GNAI1: variants seen among roughly 807,000 people sequenced by gnomAD.
GNAI1 encodes G protein subunit alpha i1, also known as guanine nucleotide-binding protein G(i) subunit alpha-1.
GNAI1 carries 11 observed loss-of-function variants against 38.9 expected under a neutral mutation model. The ratio of observed to expected loss-of-function variants is 0.28; its 90% CI spans 0.18 to 0.47. The LOEUF (loss-of-function observed/expected upper bound fraction) is 0.47, where lower values mean the gene tolerates loss of function less well. GNAI1 is among the 20% of genes least tolerant of loss of function. The pLI is 0.99. For missense variants in GNAI1, 317 were observed against 436.9 expected (o/e 0.73, Z 2.45); for synonymous variants, 166 against 145.1 (o/e 1.14, Z -1.04).
At chr7:80,172,754 T>A (rs1168461490) in intron 1 of GNAI1, among the ~76,000 whole-genome samples, 2 of 152,234 alleles carry the variant, frequency 1.3e-5, no homozygotes, top group Non-Finnish European at 2.9e-5. Flanking sequence ...TTTTAGCAGC[T>A]TGCCTTACTT....
chr7:80,140,683 G>C (rs765803160), intron 1 of GNAI1, among the ~76,000 whole-genome samples: 1 of 152,174 alleles, frequency 6.6e-6, no homozygotes, highest in Non-Finnish European at 1.5e-5. Context: ...ACTGGTTTCT[G>C]TCATAACTTG....
At chr7:80,184,806 C>T (rs1788361582) in intron 1 of GNAI1, among the ~76,000 whole-genome samples, 1 of 152,180 alleles carries the variant, frequency 6.6e-6, no homozygotes. Context: ...TATAACATCA[C>T]AACTTTGGCT....
chr7:80,181,374 A>G (rs1268894835), intron 1 of GNAI1, among the ~76,000 whole-genome samples: 1 of 152,210 alleles, frequency 6.6e-6, no homozygotes, highest in East Asian at 1.9e-4. Context: ...TTGAAACTGT[A>G]TGACACCCTT....
Position 80,135,264 on chromosome 7 carries a change from A to G in GNAI1, c.104A>G (p.Lys35Arg). The G allele has an allele frequency of 6.6e-7, 1 of 1,509,398 alleles. No homozygotes were observed. The highest frequency in any genetic ancestry group is 8.9e-7 in the Non-Finnish European group (1 of 1,127,092). 93.5% of individuals were successfully genotyped at this position (1,509,398 alleles called of 1,614,324 possible). A position where few individuals can be genotyped will look rare whatever the true frequency, so the allele number is the denominator to read the frequency against. ...GGCGAGAAGGCGGCGCGCGAGGTCAAGCTGCTGCTGCTCGGTAAGGGCGGC... is the reference window on the plus strand; with the variant it reads ...GGCGAGAAGGCGGCGCGCGAGGTCAGGCTGCTGCTGCTCGGTAAGGGCGGC... Reference protein sequence around the residue: ...EDGEKAAREVKLLLLGAGESG... With the variant: ...EDGEKAAREVRLLLLGAGESG... Residue 35 changes from lysine (K) to arginine (R), a missense_variant, in exon 1 of 8, where the codon AAG (lysine) becomes AGG (arginine). Physicochemically the swap from Lys to Arg is conservative, Grantham distance 26. Coordinates refer to ENST00000649796, the MANE Select transcript of GNAI1 (RefSeq NM_002069.6).
chr7:80,181,211 C>T (rs17153546), intron 1 of GNAI1, among the ~76,000 whole-genome samples: 4,147 of 152,142 alleles, frequency 0.027, 106 homozygotes, highest in African/African-American at 0.072. Context: ...CTCTCATGGG[C>T]CACTTGGAAA....
chr7:80,222,597 G>A lies in GNAI1; in HGVS notation c.*5104G>A, dbSNP rs1327016321. 6.6e-6 allele frequency among the ~76,000 whole-genome samples: 1 copy of A among 151,752 alleles called. No homozygotes were observed. The highest frequency in any genetic ancestry group is 1.9e-4 in the East Asian group (1 of 5,164). On this transcript the variant is annotated 3_prime_UTR_variant, in exon 8 of 8. Coordinates refer to ENST00000649796, the MANE Select transcript of GNAI1 (RefSeq NM_002069.6). ...AGACGGGGTTTCTCCATGTCGGTCG[G>A]GCTGGTCTCGAACTCCTGACCTCAG...
In GNAI1 at chr7:80,220,521, A is replaced by G. The variant is rs912057889; in HGVS notation, c.*3028A>G. The stretch of plus-strand genomic sequence containing the variant: ...ACCTGACCAATCCGAGTCCTCCAGC[A>G]TTGGACGAGTGAGCCAATCATTGTC... On this transcript the variant is annotated 3_prime_UTR_variant, in exon 8 of 8. Coordinates refer to ENST00000649796, the MANE Select transcript of GNAI1 (RefSeq NM_002069.6). Among the ~76,000 whole-genome samples the G allele has an allele frequency of 1.3e-5, 2 of 152,202 alleles. No homozygotes were observed. The highest frequency in any genetic ancestry group is 2.9e-5 in the Non-Finnish European group (2 of 68,032).
Position 80,207,247 on chromosome 7 carries a change from G to C in GNAI1, c.590+3415G>C, listed in dbSNP as rs1232538953. On this transcript the variant is annotated intron_variant, in intron 5 of 7. Transcript: ENST00000649796. ...AGGCAAATATTAAATCGATTATTTG[G>C]TACTTAAGGCAGTCTGACTATATAA... Among the ~76,000 whole-genome samples the C allele has an allele frequency of 3.9e-5, 6 of 152,158 alleles. No individual in the cohort carries two copies. The East Asian group carries it at 1.2e-3, about 29-fold the overall frequency.
chr7:80,224,547 A>G lies in GNAI1; in HGVS notation c.*7054A>G, dbSNP rs1410576023. The stretch of plus-strand genomic sequence containing the variant: ...AAGAAGTTTTTCACAAGGGTGCCAC[A>G]TGGTGTAGTGCAGCATGTCCAACAG... On this transcript the variant is annotated 3_prime_UTR_variant, in exon 8 of 8. Coordinates refer to ENST00000649796, the MANE Select transcript of GNAI1 (RefSeq NM_002069.6). Among the ~76,000 whole-genome samples, 1 of 152,246 alleles carries G rather than the reference A, an allele frequency of 6.6e-6. No individual in the cohort carries two copies. Among genetic ancestry groups the G allele is most frequent in the East Asian group, 1.9e-4 (1 of 5,204 alleles).
intron 1 of GNAI1, among the ~76,000 whole-genome samples, chr7:80,166,219 A>G (rs907002714): frequency 5.9e-5 from 9 of 152,308 alleles, no homozygotes; most frequent in Non-Finnish European, 1.2e-4. Context: ...TGAGCATATA[A>G]GGACAAAAAT....
At chr7:80,172,629 T>G (rs559158947) in intron 1 of GNAI1, among the ~76,000 whole-genome samples, 1 of 152,254 alleles carries the variant, frequency 6.6e-6, no homozygotes, top group Admixed American at 6.5e-5. Context: ...TTCTTTCAAG[T>G]GAGAATTTAA....
At chr7:80,145,678 T>G (rs998385818) in intron 1 of GNAI1, among the ~76,000 whole-genome samples, 1 of 152,222 alleles carries the variant, frequency 6.6e-6, no homozygotes, top group Admixed American at 6.5e-5. Context: ...TGTACCTATT[T>G]CATAGTCTGA....
At chr7:80,146,006 C>T (rs1787614759) in intron 1 of GNAI1, among the ~76,000 whole-genome samples, 1 of 152,088 alleles carries the variant, frequency 6.6e-6, no homozygotes, top group African/African-American at 2.4e-5. Flanking sequence ...GCATACATTC[C>T]ACAGAGGTCC....
chr7:80,158,520 A>G (rs961446860), intron 1 of GNAI1, among the ~76,000 whole-genome samples: 25 of 152,018 alleles, frequency 1.6e-4, no homozygotes, highest in African/African-American at 5.8e-4. Flanking sequence ...TTCACATGAG[A>G]TCTGGTGGTT....
chr7:80,149,300 T>A lies in GNAI1; in HGVS notation c.118+14022T>A, dbSNP rs151220893. Among the ~76,000 whole-genome samples, 81 of 152,252 alleles carry A rather than the reference T, an allele frequency of 5.3e-4. No individual in the cohort carries two copies. In the East Asian group the frequency reaches 0.014, roughly 25 times the overall value. On this transcript the variant is annotated intron_variant, in intron 1 of 7. Transcript: ENST00000649796. ...GATGTCGCCTACATTTACAGTCATG[T>A]ACTATGCTGGAACTGTCAAATTTTA...
chr7:80,173,564 T>G (rs1788132886), intron 1 of GNAI1, among the ~76,000 whole-genome samples: 1 of 152,102 alleles, frequency 6.6e-6, no homozygotes. Flanking sequence ...CATGCTCCCC[T>G]TCTGCTATGC....
In GNAI1 at chr7:80,224,752, C is replaced by T. The variant is rs918089020; in HGVS notation, c.*7259C>T. ...AGGTGTGAATGCAGAGCACTTAAAA[C>T]GTAGCTAGTCCAAAGTGAGTTGGCC... On this transcript the variant is annotated 3_prime_UTR_variant, in exon 8 of 8. Transcript: ENST00000649796. 1.3e-5 allele frequency among the ~76,000 whole-genome samples: 2 copies of T among 152,158 alleles called. No homozygotes were observed. The highest frequency in any genetic ancestry group is 4.1e-4 in the South Asian group (2 of 4,822).
chr7:80,219,948 C>CT lies in GNAI1; in HGVS notation c.*2456dup, dbSNP rs2115735737. 6.6e-6 allele frequency among the ~76,000 whole-genome samples: 1 copy of CT among 152,256 alleles called. No individual in the cohort carries two copies. The highest frequency in any genetic ancestry group is 1.5e-5 in the Non-Finnish European group (1 of 68,026). On this transcript the variant is annotated 3_prime_UTR_variant, in exon 8 of 8. Transcript: ENST00000649796. ...TTTGTTTTCCTTTCTATTCCTACTA[C>CT]TACCTATTCAAGTCTTTGCTAAACT...
intron 1 of GNAI1, among the ~76,000 whole-genome samples, chr7:80,157,709 C>CT (rs956796336): frequency 2.6e-5 from 4 of 151,938 alleles, no homozygotes; most frequent in Non-Finnish European, 5.9e-5. Flanking sequence ...CACCTTTTTT[C>CT]TTTTTTTTAT....
Sources: gnomAD v4.1 joint callset for allele counts (sites outside exome capture counted in the v4.1 genomes callset) on GRCh38, gnomAD v4.1.1 for gene constraint, MANE v1.5 for transcripts, NCBI Gene and HGNC (gene_info 2026-07-23, HGNC 2026-07-21) for gene names.